Variants in NRG3 observed in about 807,000 individuals in gnomAD.
NRG3 encodes neuregulin 3, also known as pro-neuregulin-3, membrane-bound isoform.
In NRG3, 31 loss-of-function variants were observed where a neutral mutation model predicts 66.9. That is an observed-to-expected ratio of 0.46 (90% CI 0.35 to 0.63). NRG3 has a LOEUF of 0.63. Ranked by LOEUF, NRG3 falls within the 20% of genes least tolerant of loss-of-function variation. The pLI is 0.00. For missense variants in NRG3, 910 were observed against 878.9 expected (o/e 1.04, Z -0.45); for synonymous variants, 393 against 359.4 (o/e 1.09, Z -1.06).
chr10:82,914,526 GTTTTTGTCTTCCC>G (rs1489326678), intron 4 of NRG3, among the ~76,000 whole-genome samples: 1 of 152,022 alleles, frequency 6.6e-6, no homozygotes, highest in Non-Finnish European at 1.5e-5. Context: ...TGATGCCCTT[GTTTTTGTCTTCCC>G]TGTTGTCCTT....
At chr10:82,253,219 C>T (rs184908460) in intron 1 of NRG3, among the ~76,000 whole-genome samples, 3 of 152,288 alleles carry the variant, frequency 2.0e-5, no homozygotes. Flanking sequence ...TCTCTGACCT[C>T]ACGAAACTCC....
intron 2 of NRG3, among the ~76,000 whole-genome samples, chr10:82,468,027 T>C (rs536996729): frequency 6.6e-6 from 1 of 152,336 alleles, no homozygotes; most frequent in East Asian, 1.9e-4. Context: ...TATATGCCCC[T>C]GTTTCTAGCA....
At chr10:82,249,280 A>T (rs1389158627) in intron 1 of NRG3, among the ~76,000 whole-genome samples, 1 of 152,180 alleles carries the variant, frequency 6.6e-6, no homozygotes, top group Non-Finnish European at 1.5e-5. Context: ...ATGTTCAATG[A>T]AGGGCTATTG....
chr10:82,447,917 CTT>C (rs1374007504), intron 2 of NRG3, among the ~76,000 whole-genome samples: 8 of 152,206 alleles, frequency 5.3e-5, no homozygotes, highest in Admixed American at 2.6e-4. Flanking sequence ...TGGTGCAAGA[CTT>C]ATCCTTTAGA....
At chr10:82,867,857 C>T (rs61860679) in intron 4 of NRG3, among the ~76,000 whole-genome samples, 27,103 of 151,980 alleles carry the variant, frequency 0.18, 2,472 homozygotes, top group Middle Eastern at 0.27. Context: ...TTGAGAAGGG[C>T]ACACAATTTG....
At chr10:82,817,194 T>G (rs1036565825) in intron 3 of NRG3, among the ~76,000 whole-genome samples, 1 of 152,218 alleles carries the variant, frequency 6.6e-6, no homozygotes, top group Non-Finnish European at 1.5e-5. Context: ...TTCTGTATCA[T>G]TGTGGCCTTT....
chr10:82,552,803 A>G (rs1197360664), intron 2 of NRG3, among the ~76,000 whole-genome samples: 2 of 152,186 alleles, frequency 1.3e-5, no homozygotes, highest in African/African-American at 2.4e-5. Context: ...GGAGACTTAG[A>G]GAAGTTAAGT....
intron 2 of NRG3, among the ~76,000 whole-genome samples, chr10:82,427,566 G>A (rs932737841): frequency 6.6e-6 from 1 of 152,026 alleles, no homozygotes; most frequent in Non-Finnish European, 1.5e-5. Flanking sequence ...CTAGTTATAT[G>A]TTGCTAGATT....
intron 2 of NRG3, among the ~76,000 whole-genome samples, chr10:82,434,534 G>T (rs1199966452): frequency 6.6e-6 from 1 of 151,864 alleles, no homozygotes; most frequent in Non-Finnish European, 1.5e-5. Context: ...ACCAGTTTTT[G>T]AAGGGTACTT....
chr10:82,334,864 A>T (rs2135318644), intron 1 of NRG3, among the ~76,000 whole-genome samples: 1 of 152,366 alleles, frequency 6.6e-6, no homozygotes, highest in South Asian at 2.1e-4. Flanking sequence ...TTGGAAGAAC[A>T]CTACCAACAA....
intron 1 of NRG3, among the ~76,000 whole-genome samples, chr10:81,978,103 A>G (rs1564706862): frequency 6.6e-6 from 1 of 152,194 alleles, no homozygotes; most frequent in Non-Finnish European, 1.5e-5. Flanking sequence ...CTATAGTGCT[A>G]TAGAATGCTA....
At position 81,970,039 on chromosome 10, in the gene NRG3, A is replaced by G. The variant is rs141031224; in HGVS notation, c.823+93876A>G. ...GACATATAGTAGATTCTCAATAAAA[A>G]CCTGTTTCTTACATTTAAGCTAGTG... On this transcript the variant is annotated intron_variant, in intron 1 of 8. Transcript: ENST00000372141. 2.7e-3 allele frequency among the ~76,000 whole-genome samples: 404 copies of G among 152,164 alleles called. 3 individuals are homozygous for G. Among genetic ancestry groups the G allele is most frequent in the Admixed American group, 0.017 (264 of 15,276 alleles).
At chr10:82,421,972 A>G (rs543669436) in intron 2 of NRG3, among the ~76,000 whole-genome samples, 2 of 152,200 alleles carry the variant, frequency 1.3e-5, no homozygotes, top group South Asian at 2.1e-4. Context: ...TAGTGCCTGC[A>G]TTGTTAGCTT....
At chr10:82,275,996 A>G (rs2134375173) in intron 1 of NRG3, among the ~76,000 whole-genome samples, 1 of 152,144 alleles carries the variant, frequency 6.6e-6, no homozygotes, top group African/African-American at 2.4e-5. Context: ...AAGGAAGGAG[A>G]TAAAATAGTC....
chr10:82,793,236 C>T (rs140649969), intron 3 of NRG3, among the ~76,000 whole-genome samples: 1 of 152,052 alleles, frequency 6.6e-6, no homozygotes, highest in Non-Finnish European at 1.5e-5. Context: ...TTTGGATTTG[C>T]TGGCTCATTT....
chr10:82,780,117 A>C (rs1421232450), intron 3 of NRG3, among the ~76,000 whole-genome samples: 2 of 152,158 alleles, frequency 1.3e-5, no homozygotes, highest in Non-Finnish European at 2.9e-5. Flanking sequence ...TATCCAGTCT[A>C]TCATTGATGG....
At position 82,258,548 on chromosome 10, in the gene NRG3, G is replaced by A. The variant is rs138191302; in HGVS notation, c.824-100191G>A. Among the ~76,000 whole-genome samples, 283 of 152,294 alleles carry A rather than the reference G, an allele frequency of 1.9e-3. 1 individual carries two copies. Among genetic ancestry groups the A allele is most frequent in the African/African-American group, 6.7e-3 (277 of 41,562 alleles). On this transcript the variant is annotated intron_variant, in intron 1 of 8. Coordinates refer to ENST00000372141, the MANE Select transcript of NRG3 (RefSeq NM_001010848.4). ...AAATAACAATCATTGCACAAAGGCCGTAGTGCAGCAGGGCAAATGGTGGAG... is the reference window on the plus strand; with the variant it reads ...AAATAACAATCATTGCACAAAGGCCATAGTGCAGCAGGGCAAATGGTGGAG...
chr10:82,855,406 CT>C (rs915670649), intron 3 of NRG3, among the ~76,000 whole-genome samples: 2 of 151,558 alleles, frequency 1.3e-5, no homozygotes, highest in Non-Finnish European at 2.9e-5. Flanking sequence ...GTCTGTGTGT[CT>C]TTTTTTTAAA....
intron 3 of NRG3, among the ~76,000 whole-genome samples, chr10:82,825,194 T>C (rs1426565038): frequency 6.6e-6 from 1 of 152,192 alleles, no homozygotes; most frequent in East Asian, 1.9e-4. Context: ...ATCTTTTTTA[T>C]TGTTTTGTTG....
Sources: allele counts gnomAD v4.1 joint callset (sites outside exome capture counted in the v4.1 genomes callset), GRCh38; gene constraint gnomAD v4.1.1; transcripts MANE v1.5; gene names NCBI Gene and HGNC (gene_info 2026-07-23, HGNC 2026-07-21).